DNAI2: variants seen among roughly 807,000 people sequenced by gnomAD.
The protein encoded by DNAI2 is dynein axonemal intermediate chain 2.
Under a neutral mutation model 74.7 loss-of-function variants are expected in DNAI2, and 63 were observed. That is an observed-to-expected ratio of 0.84 (90% confidence interval 0.69 to 1.04). The LOEUF (loss-of-function observed/expected upper bound fraction) is 1.04, where lower values mean the gene tolerates loss of function less well. Ranked by LOEUF, DNAI2 falls within the 50% of genes least tolerant of loss-of-function variation. DNAI2 has a pLI of 0.00. For synonymous variants in DNAI2, 289 were observed against 314.9 expected, an observed-to-expected ratio of 0.92 and a Z score of 0.87; for missense variants, 688 against 803.2, an observed-to-expected ratio of 0.86 and a Z score of 1.73.
chr17:74,281,672 T>G (rs778305345), intron 1 of DNAI2, 135 bp from the exon 2 acceptor site: 1 of 789,284 alleles, frequency 1.3e-6, no homozygotes, highest in South Asian at 1.6e-5. Flanking sequence ...CTGGACAAAT[T>G]CCTAGGATCT....
At position 74,284,962 on chromosome 17, in the gene DNAI2, G is replaced by A. The variant is rs944913691; in HGVS notation, c.184-78G>A. ...GCATCCAGCCCTGGGAGCCCCCGTGGGACCTGGCTTGCAGAAGTGGCCGAG... is the reference window on the plus strand; with the variant it reads ...GCATCCAGCCCTGGGAGCCCCCGTGAGACCTGGCTTGCAGAAGTGGCCGAG... On this transcript the variant is annotated intron_variant, in intron 2 of 13. Transcript: ENST00000311014. 3.1e-6 allele frequency: 5 copies of A among 1,597,634 alleles called. No homozygotes were observed. In the African/African-American group the frequency reaches 5.4e-5, roughly 17 times the overall value.
rs535182801 is a variant in DNAI2, at chr17:74,299,215, C to T, written c.725-503C>T. 1.1e-4 allele frequency among the ~76,000 whole-genome samples: 17 copies of T among 152,246 alleles called. No homozygotes were observed. The South Asian group carries it at 3.3e-3, about 30-fold the overall frequency. ...TAAAGCTCCTCTGTGAGTTTCTTTC[C>T]AACAGAGGCAGCAGAGGTACAAAGG... On this transcript the variant is annotated intron_variant, in intron 6 of 13. Coordinates refer to ENST00000311014, the MANE Select transcript of DNAI2 (RefSeq NM_023036.6).
intron 13 of DNAI2, 90 bp from the exon 14 acceptor site, chr17:74,314,499 C>G (rs61016714): frequency 6.9e-6 from 3 of 433,770 alleles, no homozygotes; most frequent in Admixed American, 3.5e-5. Context: ...ACCCCAAGGC[C>G]GAGGCCACCT....
At position 74,301,862 on chromosome 17, in the gene DNAI2, A is replaced by G. The variant is rs868363805; in HGVS notation, c.987+694A>G. 1.3e-3 allele frequency among the ~76,000 whole-genome samples: 85 copies of G among 67,372 alleles called. 1 individual carries two copies. The highest frequency in any genetic ancestry group is 5.6e-3 in the East Asian group (11 of 1,974). 44.2% of individuals were successfully genotyped at this position (67,372 alleles called of 152,430 possible). A position where few individuals can be genotyped will look rare whatever the true frequency, so the allele number is the denominator to read the frequency against. On this transcript the variant is annotated intron_variant, in intron 8 of 13. Coordinates refer to ENST00000311014, the MANE Select transcript of DNAI2 (RefSeq NM_023036.6). ...GAAAGAAAAGGAAAGAAGGAAGGAA[A>G]GAAGGAAGGAAGGAAGGAAGGAAGG...
chr17:74,309,263 G>T lies in DNAI2; in HGVS notation c.1222G>T (p.Ala408Ser). 5 of 1,614,022 alleles carry T rather than the reference G, an allele frequency of 3.1e-6. No homozygotes were observed. The highest frequency in any genetic ancestry group is 4.2e-6 in the Non-Finnish European group (5 of 1,180,000). Residue 408 changes from alanine (A) to serine (S), a missense_variant, in exon 10 of 14, where the codon GCT becomes TCT. Ala to Ser is a moderately conservative substitution (Grantham distance 99, BLOSUM62 1). Transcript: ENST00000311014. Reference protein sequence around the residue: ...SSIMWTKYHMAYLTDAAWSPV... With the variant: ...SSIMWTKYHMSYLTDAAWSPV... ...GTCTACCTCCCACAGGTACCACATGGCTTACCTCACTGATGCTGCCTGGAG... is the reference window on the plus strand; with the variant it reads ...GTCTACCTCCCACAGGTACCACATGTCTTACCTCACTGATGCTGCCTGGAG...
rs530015943 is a variant in DNAI2, at chr17:74,305,767, G to T, written c.1211+325G>T. Among the ~76,000 whole-genome samples the T allele has an allele frequency of 4.0e-5, 6 of 149,406 alleles. No homozygotes were observed. The East Asian group carries it at 1.2e-3, about 30-fold the overall frequency. ...GCTCACTGCAGCCTCCACCTCCCAG[G>T]TTCAAGAGACTCTCCTGCCTCAGCC... is the stretch of plus-strand genomic sequence containing the variant. On this transcript the variant is annotated intron_variant, in intron 9 of 13. Coordinates refer to ENST00000311014, the MANE Select transcript of DNAI2 (RefSeq NM_023036.6).
At chr17:74,276,181 C>T (rs2051065685) in intron 1 of DNAI2, among the ~76,000 whole-genome samples, 1 of 152,166 alleles carries the variant, frequency 6.6e-6, no homozygotes, top group East Asian at 1.9e-4. Flanking sequence ...CCAGGAATTA[C>T]TTTGCTCATT....
Position 74,309,137 on chromosome 17 carries a change from A to G in DNAI2, c.1212-116A>G, listed in dbSNP as rs79952779. 0.021 allele frequency: 24,389 copies of G among 1,183,026 alleles called. 308 individuals are homozygous for G. The highest frequency in any genetic ancestry group is 0.034 in the African/African-American group (2,232 of 65,914). The allele number at this position is 1,183,026 out of a possible 1,614,324, so 73.3% of individuals were successfully genotyped here. On this transcript the variant is annotated intron_variant, in intron 9 of 13. Transcript: ENST00000311014. ...CACAGCTAGAAGTCAGACACAAGGAAGAACTTCCTACCTAGCAAGACTCTG... is the reference window on the plus strand; with the variant it reads ...CACAGCTAGAAGTCAGACACAAGGAGGAACTTCCTACCTAGCAAGACTCTG...
intron 11 of DNAI2, among the ~76,000 whole-genome samples, chr17:74,311,297 G>A (rs1369623280): frequency 6.6e-6 from 1 of 152,190 alleles, no homozygotes; most frequent in Non-Finnish European, 1.5e-5. Flanking sequence ...CAGAACCATG[G>A]GGAACACTGT....
intron 9 of DNAI2, 70 bp downstream of exon 9, chr17:74,305,512 C>T (rs1221025751): frequency 1.4e-6 from 2 of 1,402,118 alleles, no homozygotes; most frequent in Non-Finnish European, 9.9e-7. Flanking sequence ...CCAGCTGGGC[C>T]CCGGAGAGTC....
chr17:74,278,317 T>A (rs1292351769), intron 1 of DNAI2, among the ~76,000 whole-genome samples: 1 of 151,928 alleles, frequency 6.6e-6, no homozygotes, highest in East Asian at 1.9e-4. Flanking sequence ...GTGGTCCCAG[T>A]TACTCAGAAG....
Position 74,313,156 on chromosome 17 carries a change from C to T in DNAI2, c.1722+926C>T, listed in dbSNP as rs542149351. On this transcript the variant is annotated intron_variant, in intron 12 of 13. Coordinates refer to ENST00000311014, the MANE Select transcript of DNAI2 (RefSeq NM_023036.6). ...ATCTGCACAGAGCACCCACCCATGA[C>T]GCCTGCTTGAAGAAGAGCTGTATGG... 5.3e-5 allele frequency among the ~76,000 whole-genome samples: 8 copies of T among 152,324 alleles called. No homozygotes were observed. In the East Asian group the frequency reaches 5.8e-4, roughly 11 times the overall value.
At chr17:74,309,508 T>C (rs1200859940) in intron 10 of DNAI2, 120 bp downstream of exon 10, 4 of 1,407,714 alleles carry the variant, frequency 2.8e-6, no homozygotes, top group South Asian at 1.2e-5. Context: ...TTTGGGCCTC[T>C]GTGGGGGAGC....
At chr17:74,304,103 T>A (rs1045446517) in intron 8 of DNAI2, among the ~76,000 whole-genome samples, 1 of 151,692 alleles carries the variant, frequency 6.6e-6, no homozygotes, top group South Asian at 2.1e-4. Context: ...GCCTGGGCAA[T>A]GGAGCCAGAA....
At chr17:74,285,607 G>GC (rs1460491797) in intron 3 of DNAI2, among the ~76,000 whole-genome samples, 1 of 151,572 alleles carries the variant, frequency 6.6e-6, no homozygotes, top group African/African-American at 2.4e-5. Context: ...AAAAAAAATT[G>GC]TTTTAAGGAA....
chr17:74,276,313 G>A (rs948375141), intron 1 of DNAI2, among the ~76,000 whole-genome samples: 7 of 152,162 alleles, frequency 4.6e-5, no homozygotes, highest in African/African-American at 7.2e-5. Flanking sequence ...CTGATTCTGC[G>A]TGTTCCTGTG....
intron 1 of DNAI2, among the ~76,000 whole-genome samples, chr17:74,279,068 G>A (rs1235477890): frequency 1.3e-5 from 2 of 152,152 alleles, no homozygotes; most frequent in African/African-American, 4.8e-5. Context: ...TTGGGAGGCT[G>A]AGGCAGAAGA....
chr17:74,288,802 A>G (rs920160462), intron 4 of DNAI2, among the ~76,000 whole-genome samples: 1 of 152,122 alleles, frequency 6.6e-6, no homozygotes, highest in Non-Finnish European at 1.5e-5. Flanking sequence ...GACCATGAAG[A>G]AAAAAGCAAG....
At chr17:74,278,509 T>C (rs1056842292) in intron 1 of DNAI2, among the ~76,000 whole-genome samples, 8 of 152,222 alleles carry the variant, frequency 5.3e-5, no homozygotes, top group Non-Finnish European at 8.8e-5. Context: ...CTGGAAACTG[T>C]TGTTCATAGT....
Sources: gnomAD v4.1 joint callset for allele counts (sites outside exome capture counted in the v4.1 genomes callset) on GRCh38, gnomAD v4.1.1 for gene constraint, MANE v1.5 for transcripts, NCBI Gene and HGNC (gene_info 2026-07-23, HGNC 2026-07-21) for gene names.